Variants in MROH2B observed in about 807,000 individuals in gnomAD.
The protein encoded by MROH2B is maestro heat-like repeat-containing protein family member 2B.
MROH2B carries 177 observed loss-of-function variants against 208.6 expected under a neutral mutation model. That is an observed-to-expected ratio of 0.85 (90% CI 0.75 to 0.96). The LOEUF (loss-of-function observed/expected upper bound fraction) is 0.96, where lower values mean the gene tolerates loss of function less well. MROH2B is among the 40% of genes least tolerant of loss of function. The probability of loss-of-function intolerance (pLI) is 0.00; values close to 1 mark genes in which losing one functional copy is unlikely to be tolerated. For synonymous variants in MROH2B, 728 were observed against 659.0 expected, an observed-to-expected ratio of 1.10 and a Z score of -1.60; for missense variants, 2,002 against 1,878.7, an observed-to-expected ratio of 1.07 and a Z score of -1.21.
intron 41 of MROH2B, 150 bp from the exon 42 acceptor site, chr5:40,998,308 G>A: frequency 1.5e-6 from 1 of 647,518 alleles, no homozygotes; most frequent in Non-Finnish European, 2.7e-6. Context: ...CTAAAAGGTA[G>A]GATGTGGAAC....
At chr5:41,069,859 C>G in intron 1 of MROH2B, 107 bp from the exon 2 acceptor site, 2 of 795,654 alleles carry the variant, frequency 2.5e-6, no homozygotes, top group East Asian at 5.5e-5. Context: ...TCCTCTCTCT[C>G]TCTCTCTCCC....
chr5:41,068,657 A>G (rs1339581810), intron 2 of MROH2B, among the ~76,000 whole-genome samples: 1 of 152,154 alleles, frequency 6.6e-6, no homozygotes, highest in East Asian at 1.9e-4. Flanking sequence ...TTAAAAATAT[A>G]TATTCTCTGA....
chr5:41,043,586 C>T (rs1289477750), intron 18 of MROH2B, among the ~76,000 whole-genome samples: 1 of 152,182 alleles, frequency 6.6e-6, no homozygotes, highest in Non-Finnish European at 1.5e-5. Flanking sequence ...GTGCATAGTA[C>T]ATCCCTGCTT....
At chr5:41,048,534 T>C (rs558761561) in intron 15 of MROH2B, 69 bp from the exon 16 acceptor site, 2 of 1,467,776 alleles carry the variant, frequency 1.4e-6, no homozygotes, top group Admixed American at 2.7e-5. Flanking sequence ...TTTTTCCCTT[T>C]TTACCATTGT....
intron 28 of MROH2B, 88 bp from the exon 29 acceptor site, chr5:41,015,566 T>A: frequency 8.8e-7 from 1 of 1,136,084 alleles, no homozygotes; most frequent in Non-Finnish European, 1.3e-6. Flanking sequence ...TGACACTAAA[T>A]TAGCTGCTGT....
intron 21 of MROH2B, 97 bp from the exon 22 acceptor site, chr5:41,033,961 A>G (rs754220246): frequency 3.5e-5 from 49 of 1,419,796 alleles, no homozygotes; most frequent in South Asian, 8.9e-5. Context: ...CTGAAGGACA[A>G]TAGTAAAGCA....
At position 41,030,980 on chromosome 5, in the gene MROH2B, T is replaced by A. The variant is rs114973017; in HGVS notation, c.2441+1762A>T. Among the ~76,000 whole-genome samples the A allele has an allele frequency of 3.3e-3, 496 of 152,218 alleles. 3 individuals carry two copies. The highest frequency in any genetic ancestry group is 0.011 in the African/African-American group (476 of 41,552). On this transcript the variant is annotated intron_variant, in intron 24 of 41. Coordinates refer to ENST00000399564, the MANE Select transcript of MROH2B (RefSeq NM_173489.5). ...TGAAGAATTGGTGATAATGTGGAAC[T>A]ATGTAAGGTGAAGTTAGAAAAAGCA...
chr5:41,007,539 A>G, intron 33 of MROH2B, 85 bp from the exon 34 acceptor site: 1 of 1,249,154 alleles, frequency 8.0e-7, no homozygotes, highest in Non-Finnish European at 1.0e-6. Flanking sequence ...CACTCCTCAC[A>G]ATGCTTTCCC....
chr5:41,051,185 G>T, intron 12 of MROH2B, 95 bp from the exon 13 acceptor site: 2 of 650,236 alleles, frequency 3.1e-6, no homozygotes, highest in Non-Finnish European at 2.3e-6. Flanking sequence ...TGGAGTAGAG[G>T]ATGTAGTCAC....
intron 28 of MROH2B, 145 bp downstream of exon 28, chr5:41,017,705 G>A (rs1430584752): frequency 1.3e-5 from 11 of 833,636 alleles, no homozygotes; most frequent in African/African-American, 1.8e-5. Context: ...GGAGGGGAGA[G>A]GAGAGGAGAA....
At chr5:41,034,998 A>G (rs1742707966) in intron 21 of MROH2B, among the ~76,000 whole-genome samples, 1 of 152,186 alleles carries the variant, frequency 6.6e-6, no homozygotes, top group South Asian at 2.1e-4. Context: ...GGAAGAATCA[A>G]TATTGTTAGA....
Position 41,048,417 on chromosome 5 carries a change from T to C in MROH2B, c.1591A>G (p.Ile531Val), listed in dbSNP as rs1743188980. 2.5e-6 allele frequency: 4 copies of C among 1,613,652 alleles called. No individual in the cohort carries two copies. Among genetic ancestry groups the C allele is most frequent in the African/African-American group, 1.3e-5 (1 of 75,014 alleles). ...SLGELRGAGAIGLLKILPEII... is the reference protein window; with the variant it reads ...SLGELRGAGAVGLLKILPEII... ...TCAGGCAGTATCTTCAAAAGCCCTA[T>C]TGCACCAGCCCCACGTAACTCCCCT... The change falls in exon 16 of 42, where the codon ATA becomes GTA. Residue 531 changes from isoleucine (I) to valine (V), a missense_variant. By Grantham distance (29) the Ile-to-Val change is conservative. Coordinates refer to ENST00000399564, the MANE Select transcript of MROH2B (RefSeq NM_173489.5).
At chr5:41,059,085 A>G (rs1339303027) in intron 6 of MROH2B, among the ~76,000 whole-genome samples, 1 of 147,364 alleles carries the variant, frequency 6.8e-6, no homozygotes, top group Non-Finnish European at 1.5e-5. Flanking sequence ...CACCGATTCC[A>G]CCTCACTTTG....
chr5:41,004,661 G>T, intron 36 of MROH2B, 113 bp downstream of exon 36: 1 of 1,524,534 alleles, frequency 6.6e-7, no homozygotes, highest in Non-Finnish European at 8.8e-7. Context: ...TACCACTTCA[G>T]CAATGTATCT....
rs200631985 is a variant in MROH2B, at chr5:41,042,172, A to T, written c.1873T>A (p.Cys625Ser). The T allele has an allele frequency of 6.3e-7, 1 of 1,591,634 alleles. No homozygotes were observed. The highest frequency in any genetic ancestry group is 1.1e-5 in the South Asian group (1 of 87,066). ...LWKALGTTLA[C>S]CQDSDFVNSQ... ...TTTACAAAGTCTGAATCTTGGCAGCATGCTAAGGTGGTTCCCAAGGCTTTC... is the reference window on the plus strand; with the variant it reads ...TTTACAAAGTCTGAATCTTGGCAGCTTGCTAAGGTGGTTCCCAAGGCTTTC... Residue 625 changes from cysteine (C) to serine (S), a missense_variant, in exon 19 of 42, where the codon TGC becomes AGC. Physicochemically the swap from Cys to Ser is moderately radical, Grantham distance 112 (BLOSUM62 -1). Coordinates refer to ENST00000399564, the MANE Select transcript of MROH2B (RefSeq NM_173489.5).
At chr5:41,022,355 A>G (rs962104789) in intron 24 of MROH2B, among the ~76,000 whole-genome samples, 1 of 152,166 alleles carries the variant, frequency 6.6e-6, no homozygotes, top group Non-Finnish European at 1.5e-5. Flanking sequence ...CTACCCTCAT[A>G]CTGTGCTTTT....
At chr5:41,005,723 A>G in intron 34 of MROH2B, 78 bp from the exon 35 acceptor site, 1 of 1,223,926 alleles carries the variant, frequency 8.2e-7, no homozygotes, top group East Asian at 2.5e-5. Flanking sequence ...TCATCAGGCA[A>G]GTAATTTGTC....
At chr5:41,064,406 T>C (rs921205660) in intron 5 of MROH2B, 66 bp downstream of exon 5, 139 of 1,342,570 alleles carry the variant, frequency 1.0e-4, no homozygotes, top group Non-Finnish European at 5.2e-6. Flanking sequence ...ACAAGACTTT[T>C]GCTTAATTTG....
chr5:41,018,919 A>C lies in MROH2B; in HGVS notation c.2541T>G (p.Ser847Arg). 6.2e-7 allele frequency: 1 copy of C among 1,613,844 alleles called. No homozygotes were observed. The highest frequency in any genetic ancestry group is 2.2e-5 in the East Asian group (1 of 44,884). ...LPLPPLENLK[S>R]EGQTDKDKEH... Reference sequence around the variant, plus strand: ...CCTTGTCCTTGTCTGTCTGGCCTTCACTTTTCAGATTTTCCAGAGGTGGAA... The same window carrying C: ...CCTTGTCCTTGTCTGTCTGGCCTTCCCTTTTCAGATTTTCCAGAGGTGGAA... Residue 847 changes from serine (S) to arginine (R), a missense_variant, in exon 25 of 42, where the codon AGT becomes AGG. By Grantham distance (110) the Ser-to-Arg change is moderately radical. Coordinates refer to ENST00000399564, the MANE Select transcript of MROH2B (RefSeq NM_173489.5).
Sources: gnomAD v4.1 joint callset for allele counts (sites outside exome capture counted in the v4.1 genomes callset) on GRCh38, gnomAD v4.1.1 for gene constraint, MANE v1.5 for transcripts, NCBI Gene and HGNC (gene_info 2026-07-23, HGNC 2026-07-21) for gene names.